Variants in SREK1IP1 observed in about 807,000 individuals in gnomAD.
SREK1IP1 encodes protein SREK1IP1.
SREK1IP1 carries 12 observed loss-of-function variants against 22.8 expected under a neutral mutation model. That is an observed-to-expected ratio of 0.53 (90% CI 0.34 to 0.85). SREK1IP1 has a LOEUF of 0.85. Among genes scored for constraint, SREK1IP1 ranks in the 40% least tolerant of loss-of-function variants. SREK1IP1 has a pLI of 0.02. For missense variants in SREK1IP1, 147 were observed against 171.8 expected, an observed-to-expected ratio of 0.86 and a Z score of 0.81; for synonymous variants, 53 against 52.7, an observed-to-expected ratio of 1.01 and a Z score of -0.02.
intron 1 of SREK1IP1, among the ~76,000 whole-genome samples, chr5:64,768,020 A>G (rs1180573016): frequency 6.6e-6 from 1 of 152,172 alleles, no homozygotes; most frequent in East Asian, 1.9e-4. Context: ...AGAAGCACAA[A>G]GCGACCAATC....
rs2112087472 is a variant in SREK1IP1 at position 64,728,952 on chromosome 5, G to A, written c.206-773C>T. On this transcript the variant is annotated intron_variant, in intron 3 of 4. Coordinates refer to ENST00000513458, the MANE Select transcript of SREK1IP1 (RefSeq NM_173829.4). ...CTCATGCCTGTAATCCCAGCACTTTGGGAGGCGAGGCGGGTGGATCATGAG... is the reference window on the plus strand; with the variant it reads ...CTCATGCCTGTAATCCCAGCACTTTAGGAGGCGAGGCGGGTGGATCATGAG... Among the ~76,000 whole-genome samples the A allele has an allele frequency of 3.3e-5, 5 of 152,266 alleles. 1 individual carries two copies. The South Asian group carries it at 1.0e-3, about 32-fold the overall frequency.
intron 3 of SREK1IP1, among the ~76,000 whole-genome samples, chr5:64,731,830 T>C (rs967539666): frequency 6.6e-6 from 1 of 152,192 alleles, no homozygotes; most frequent in Non-Finnish European, 1.5e-5. Context: ...AAGAACTATT[T>C]TTAATGCCTT....
intron 1 of SREK1IP1, among the ~76,000 whole-genome samples, chr5:64,765,596 T>C (rs1347776887): frequency 6.6e-6 from 1 of 152,222 alleles, no homozygotes; most frequent in Non-Finnish European, 1.5e-5. Context: ...ATTGTACTTT[T>C]ACAGCACTGT....
In SREK1IP1 at chr5:64,723,319, A is replaced by T. The variant is rs1047377891; in HGVS notation, c.*1065T>A. ...CTTTTTTTGACACTTTTTACTCTTGAGTTTGCCACTAAAGTAAAAGAGAGA... is the reference window on the plus strand; with the variant it reads ...CTTTTTTTGACACTTTTTACTCTTGTGTTTGCCACTAAAGTAAAAGAGAGA... On this transcript the variant is annotated 3_prime_UTR_variant, in exon 5 of 5. Transcript: ENST00000513458. The T allele has an allele frequency of 6.6e-6, 1 of 152,144 alleles. No homozygotes were observed. The highest frequency in any genetic ancestry group is 2.4e-5 in the African/African-American group (1 of 41,436). The allele number at this position is 152,144 out of a possible 1,614,324, so 9.4% of individuals were successfully genotyped here. A position where few individuals can be genotyped will look rare whatever the true frequency, so the allele number is the denominator to read the frequency against.
intron 3 of SREK1IP1, among the ~76,000 whole-genome samples, chr5:64,734,732 T>C (rs952885618): frequency 6.6e-6 from 1 of 152,064 alleles, no homozygotes; most frequent in Non-Finnish European, 1.5e-5. Flanking sequence ...TGTACAGAAA[T>C]ACAATTGATT....
At chr5:64,764,244 C>A (rs531762875) in intron 1 of SREK1IP1, among the ~76,000 whole-genome samples, 4 of 152,132 alleles carry the variant, frequency 2.6e-5, no homozygotes, top group Non-Finnish European at 5.9e-5. Flanking sequence ...GGAAGCGACA[C>A]TATACTAGTT....
chr5:64,721,488 CAG>C lies in SREK1IP1; in HGVS notation c.*2894_*2895del, dbSNP rs964273476. 6 of 151,178 alleles carry C rather than the reference CAG, an allele frequency of 4.0e-5. No homozygotes were observed. Among genetic ancestry groups the C allele is most frequent in the African/African-American group, 1.2e-4 (5 of 41,006 alleles). 9.4% of individuals were successfully genotyped at this position (151,178 alleles called of 1,614,324 possible). A position where few individuals can be genotyped will look rare whatever the true frequency, so the allele number is the denominator to read the frequency against. On this transcript the variant is annotated 3_prime_UTR_variant, in exon 5 of 5. Transcript: ENST00000513458. ...TTCTCATTTATTGTTGTTTTGACCT[CAG>C]AGAGTCAAAGATGTAAATGGAGATG...
At chr5:64,732,855 C>A (rs1227291479) in intron 3 of SREK1IP1, among the ~76,000 whole-genome samples, 2 of 150,174 alleles carry the variant, frequency 1.3e-5, no homozygotes, top group Non-Finnish European at 3.0e-5. Flanking sequence ...ACACATTAAT[C>A]AATGAAACAG....
At position 64,722,327 on chromosome 5, in the gene SREK1IP1, A is replaced by G. The variant is rs1233753342; in HGVS notation, c.*2057T>C. ...CACCATTCAGAAACCTAATGAGCCA[A>G]TTTATAATCTCTACAATTAACAGTA... On this transcript the variant is annotated 3_prime_UTR_variant, in exon 5 of 5. Coordinates refer to ENST00000513458, the MANE Select transcript of SREK1IP1 (RefSeq NM_173829.4). The G allele has an allele frequency of 6.6e-6, 1 of 152,200 alleles. No homozygotes were observed. Among genetic ancestry groups the G allele is most frequent in the Admixed American group, 6.5e-5 (1 of 15,278 alleles). 9.4% of individuals were successfully genotyped at this position (152,200 alleles called of 1,614,324 possible).
chr5:64,750,535 A>G (rs1332990867), intron 2 of SREK1IP1, among the ~76,000 whole-genome samples: 1 of 152,140 alleles, frequency 6.6e-6, no homozygotes, highest in African/African-American at 2.4e-5. Context: ...CCACCTGTTC[A>G]TGCATATTAG....
chr5:64,726,905 A>G (rs1170142204), intron 4 of SREK1IP1, among the ~76,000 whole-genome samples: 2 of 152,356 alleles, frequency 1.3e-5, no homozygotes, highest in East Asian at 3.9e-4. Context: ...AGATCATATC[A>G]AACCACATAA....
intron 2 of SREK1IP1, among the ~76,000 whole-genome samples, chr5:64,746,785 T>C (rs1257587911): frequency 2.6e-5 from 4 of 152,202 alleles, no homozygotes; most frequent in Non-Finnish European, 5.9e-5. Context: ...ATTCTGTTAC[T>C]ACCCAGGGTT....
Position 64,724,401 on chromosome 5 carries a change from C to G in SREK1IP1, c.451G>C (p.Glu151Gln). ...EKHSSTPNSSEFSRK is the reference protein window; with the variant it reads ...EKHSSTPNSSQFSRK ...AGTCTCAGTTACTTTCTGGAGAATT[C>G]AGAACTATTAGGTGTAGAAGAATGC... The change falls in exon 5 of 5, where the codon GAA (glutamate) becomes CAA (glutamine). Residue 151 changes from glutamate (E) to glutamine (Q), a missense_variant. Transcript: ENST00000513458. 6.4e-7 allele frequency: 1 copy of G among 1,554,652 alleles called. No individual in the cohort carries two copies.
intron 1 of SREK1IP1, among the ~76,000 whole-genome samples, chr5:64,764,054 T>TC (rs1742995269): frequency 1.3e-5 from 2 of 152,214 alleles, no homozygotes; most frequent in African/African-American, 4.8e-5. Context: ...AGTAGTATTT[T>TC]CATGTATTGC....
At chr5:64,730,466 G>A (rs576977554) in intron 3 of SREK1IP1, among the ~76,000 whole-genome samples, 20 of 152,184 alleles carry the variant, frequency 1.3e-4, no homozygotes, top group Non-Finnish European at 2.2e-4. Flanking sequence ...AAATGATGAC[G>A]CAGAGAGGGG....
chr5:64,735,161 T>C (rs536313348), intron 3 of SREK1IP1, among the ~76,000 whole-genome samples: 2 of 114,990 alleles, frequency 1.7e-5, no homozygotes, highest in African/African-American at 1.1e-4. Flanking sequence ...ATTGTGACAA[T>C]GTTTTTTTTT....
At chr5:64,734,768 T>C (rs1193035934) in intron 3 of SREK1IP1, among the ~76,000 whole-genome samples, 1 of 152,232 alleles carries the variant, frequency 6.6e-6, no homozygotes, top group East Asian at 1.9e-4. Flanking sequence ...TGTAGACTCT[T>C]GCAACTTTGC....
chr5:64,741,219 A>C lies in SREK1IP1; in HGVS notation c.62-19T>G, dbSNP rs1011226083. On this transcript the variant is annotated intron_variant, in intron 2 of 4. Coordinates refer to ENST00000513458, the MANE Select transcript of SREK1IP1 (RefSeq NM_173829.4). ...TGACCAGCTAAGTGAAACAAACAAAAAAAATGTGAGTGATAAAACTATAGA... is the reference window on the plus strand; with the variant it reads ...TGACCAGCTAAGTGAAACAAACAAACAAAATGTGAGTGATAAAACTATAGA... 2.5e-6 allele frequency: 4 copies of C among 1,600,150 alleles called. No individual in the cohort carries two copies. The highest frequency in any genetic ancestry group is 3.4e-6 in the Non-Finnish European group (4 of 1,172,836).
At chr5:64,764,617 A>T (rs1455110381) in intron 1 of SREK1IP1, among the ~76,000 whole-genome samples, 1 of 152,176 alleles carries the variant, frequency 6.6e-6, no homozygotes, top group East Asian at 1.9e-4. Context: ...AACACTTTAG[A>T]AGCTTAAGAA....
Sources: gnomAD v4.1 joint callset for allele counts (sites outside exome capture counted in the v4.1 genomes callset) on GRCh38, gnomAD v4.1.1 for gene constraint, MANE v1.5 for transcripts, NCBI Gene and HGNC (gene_info 2026-07-23, HGNC 2026-07-21) for gene names.